Variants in ACSL3 observed in about 807,000 individuals in gnomAD.
ACSL3 encodes acyl-CoA synthetase long chain family member 3, also known as fatty acid CoA ligase Acsl3.
ACSL3 carries 34 observed loss-of-function variants against 84.7 expected under a neutral mutation model. That is an observed-to-expected ratio of 0.40 (90% CI 0.31 to 0.53). The LOEUF is 0.53. Among genes scored for constraint, ACSL3 ranks in the 20% least tolerant of loss-of-function variants. The probability of loss-of-function intolerance (pLI) is 0.48; values close to 1 mark genes in which losing one functional copy is unlikely to be tolerated. For missense variants in ACSL3, 680 were observed against 873.1 expected (o/e 0.78, Z 2.79); for synonymous variants, 315 against 299.4 (o/e 1.05, Z -0.54).
chr2:222,919,003 ATTCT>A, intron 6 of ACSL3, 57 bp from the exon 7 acceptor site: 6 of 1,582,808 alleles, frequency 3.8e-6, no homozygotes, highest in Non-Finnish European at 5.2e-6. Context: ...GTAAACTAGT[ATTCT>A]TATTCGCTAA....
In ACSL3 at chr2:222,941,867, C is replaced by G; in HGVS notation, c.*213C>G. 1 of 482,260 alleles carries G rather than the reference C, an allele frequency of 2.1e-6. No homozygotes were observed. 29.9% of individuals were successfully genotyped at this position (482,260 alleles called of 1,614,324 possible). On this transcript the variant is annotated 3_prime_UTR_variant, in exon 17 of 17. Transcript: ENST00000357430. Reference sequence around the variant, plus strand: ...TTTCATTTTCCCCGCCACCAACTTACTTTACCACCTATGACTGTACTTGTC... The same window carrying G: ...TTTCATTTTCCCCGCCACCAACTTAGTTTACCACCTATGACTGTACTTGTC...
At chr2:222,865,494 A>G (rs1403923098) in intron 1 of ACSL3, among the ~76,000 whole-genome samples, 1 of 152,204 alleles carries the variant, frequency 6.6e-6, no homozygotes, top group Non-Finnish European at 1.5e-5. Flanking sequence ...TGATTGGGCG[A>G]GTTCCTGCTC....
intron 1 of ACSL3, among the ~76,000 whole-genome samples, chr2:222,873,030 C>T (rs1013279224): frequency 2.6e-5 from 4 of 152,146 alleles, no homozygotes. Context: ...GATGAGGGAA[C>T]TTGGAGGCTT....
intron 1 of ACSL3, among the ~76,000 whole-genome samples, chr2:222,879,200 C>G (rs1695531613): frequency 6.6e-6 from 1 of 152,248 alleles, no homozygotes; most frequent in East Asian, 1.9e-4. Flanking sequence ...CGCTTGTAAT[C>G]CCAGCTACGT....
intron 1 of ACSL3, among the ~76,000 whole-genome samples, chr2:222,885,185 A>G (rs1025639388): frequency 1.1e-4 from 17 of 152,208 alleles, no homozygotes; most frequent in African/African-American, 4.1e-4. Context: ...ACCTTGGGCC[A>G]TTTAATAAAG....
intron 16 of ACSL3, among the ~76,000 whole-genome samples, chr2:222,939,467 C>T (rs1697250582): frequency 6.6e-6 from 1 of 152,186 alleles, no homozygotes; most frequent in Non-Finnish European, 1.5e-5. Context: ...TACCTAGTGT[C>T]TGTGATACTG....
intron 1 of ACSL3, among the ~76,000 whole-genome samples, chr2:222,878,560 T>C (rs1303549327): frequency 1.3e-5 from 2 of 152,204 alleles, no homozygotes; most frequent in Admixed American, 6.5e-5. Context: ...TAATCCTTTA[T>C]CCTACAATTG....
At chr2:222,872,461 A>C (rs1168153039) in intron 1 of ACSL3, among the ~76,000 whole-genome samples, 2 of 152,202 alleles carry the variant, frequency 1.3e-5, no homozygotes, top group Non-Finnish European at 1.5e-5. Context: ...GTATCTTAGG[A>C]AAATTTAAAT....
At chr2:222,885,429 T>C (rs543103242) in intron 1 of ACSL3, among the ~76,000 whole-genome samples, 1 of 152,356 alleles carries the variant, frequency 6.6e-6, no homozygotes, top group African/African-American at 2.4e-5. Flanking sequence ...ACTGTTTTAA[T>C]TTGTATTTCC....
At chr2:222,896,479 C>T (rs1441429780) in intron 2 of ACSL3, among the ~76,000 whole-genome samples, 1 of 15,042 alleles carries the variant, frequency 6.6e-5, no homozygotes, top group African/African-American at 2.3e-4. Flanking sequence ...GGGGGGCTGA[C>T]CCCCCCCACC....
At chr2:222,883,246 T>A (rs961929384) in intron 1 of ACSL3, among the ~76,000 whole-genome samples, 3 of 151,364 alleles carry the variant, frequency 2.0e-5, no homozygotes, top group Non-Finnish European at 4.4e-5. Flanking sequence ...AGTGGCAGGA[T>A]CTTGGCTCAC....
chr2:222,898,218 A>G (rs888014549), intron 2 of ACSL3, among the ~76,000 whole-genome samples: 3 of 152,026 alleles, frequency 2.0e-5, no homozygotes, highest in African/African-American at 4.8e-5. Context: ...ATATTTTGTC[A>G]GCATTTTTTC....
At chr2:222,874,772 T>C (rs1051926927) in intron 1 of ACSL3, among the ~76,000 whole-genome samples, 2 of 152,152 alleles carry the variant, frequency 1.3e-5, no homozygotes, top group African/African-American at 4.8e-5. Flanking sequence ...GCTTATTGGA[T>C]ATATCCTGCT....
Position 222,913,007 on chromosome 2 carries a change from G to A in ACSL3, c.379-3312G>A, listed in dbSNP as rs1283704922. Among the ~76,000 whole-genome samples, 6 of 152,110 alleles carry A rather than the reference G, an allele frequency of 3.9e-5. No individual in the cohort carries two copies. The East Asian group carries it at 1.2e-3, about 29-fold the overall frequency. On this transcript the variant is annotated intron_variant, in intron 4 of 16. Transcript: ENST00000357430. ...ATTTCAGGACAACCTTAAAATACAT[G>A]TATACCTGAAATAGAACAAAGCTGC...
At chr2:222,868,688 T>G (rs1225727721) in intron 1 of ACSL3, among the ~76,000 whole-genome samples, 2 of 152,206 alleles carry the variant, frequency 1.3e-5, no homozygotes, top group African/African-American at 4.8e-5. Context: ...GGCTTATGCC[T>G]TTAATCCCAG....
At chr2:222,896,388 A>C (rs1451093708) in intron 2 of ACSL3, among the ~76,000 whole-genome samples, 4 of 7,104 alleles carry the variant, frequency 5.6e-4, no homozygotes, top group Admixed American at 1.6e-3. Flanking sequence ...TGACCCCCCC[A>C]CCTCCCTCCC....
At chr2:222,912,406 G>T (rs1696468060) in intron 4 of ACSL3, among the ~76,000 whole-genome samples, 1 of 152,196 alleles carries the variant, frequency 6.6e-6, no homozygotes, top group Non-Finnish European at 1.5e-5. Context: ...TTTCACAACT[G>T]GTGGGTTAAG....
Position 222,907,555 on chromosome 2 carries a change from GTT to G in ACSL3, c.-40-1176_-40-1175del, listed in dbSNP as rs1487374906. On this transcript the variant is annotated intron_variant, in intron 3 of 16. Coordinates refer to ENST00000357430, the MANE Select transcript of ACSL3 (RefSeq NM_004457.5). Reference sequence around the variant, plus strand: ...GTGGGAGAATTGCTTGAAGCCAGGAGTTTGAGACCAGCTGGGGCAGCATCATG... The same window carrying G: ...GTGGGAGAATTGCTTGAAGCCAGGAGTGAGACCAGCTGGGGCAGCATCATG... Among the ~76,000 whole-genome samples, 3 of 152,172 alleles carry G rather than the reference GTT, an allele frequency of 2.0e-5. No individual in the cohort carries two copies. The East Asian group carries it at 5.8e-4, about 29-fold the overall frequency.
At chr2:222,882,761 GTTTTTTTT>G (rs71408540) in intron 1 of ACSL3, among the ~76,000 whole-genome samples, 4 of 119,976 alleles carry the variant, frequency 3.3e-5, no homozygotes, top group Non-Finnish European at 5.0e-5. Flanking sequence ...CCAGATCACT[GTTTTTTTT>G]TTTTTTTTTT....
Sources: allele counts gnomAD v4.1 joint callset (sites outside exome capture counted in the v4.1 genomes callset), GRCh38; gene constraint gnomAD v4.1.1; transcripts MANE v1.5; gene names NCBI Gene and HGNC (gene_info 2026-07-23, HGNC 2026-07-21).